The following DDX49 variants were observed in gnomAD, a reference collection of about 807,000 sequenced individuals.
DDX49 encodes the protein probable ATP-dependent RNA helicase DDX49.
In DDX49, 50 loss-of-function variants were observed where a neutral mutation model predicts 56.3. The ratio of observed to expected loss-of-function variants is 0.89; its 90% CI spans 0.71 to 1.12. The LOEUF (loss-of-function observed/expected upper bound fraction) is 1.12. DDX49 is among the 50% of genes most tolerant of loss of function. The pLI is 0.00. For synonymous variants in DDX49, 269 were observed against 270.6 expected, an observed-to-expected ratio of 0.99 and a Z score of 0.06; for missense variants, 614 against 650.5, an observed-to-expected ratio of 0.94 and a Z score of 0.61.
At position 18,924,154 on chromosome 19, in the gene DDX49, C is replaced by G. The variant is rs896438681; in HGVS notation, c.777-79C>G. The G allele has an allele frequency of 2.1e-6, 3 of 1,435,080 alleles. No individual in the cohort carries two copies. The African/African-American group carries it at 4.2e-5, about 20-fold the overall frequency. 88.9% of individuals were successfully genotyped at this position (1,435,080 alleles called of 1,614,324 possible). A position where few individuals can be genotyped will look rare whatever the true frequency, so the allele number is the denominator to read the frequency against. On this transcript the variant is annotated intron_variant, in intron 6 of 12. Coordinates refer to ENST00000247003, the MANE Select transcript of DDX49 (RefSeq NM_019070.5). ...TGCATGAGGCCACTGTGCTAGGTGT[C>G]TCAGGGGCGGGTGGGGGCAGGAACA...
At chr19:18,926,848 G>A (rs1045659448) in intron 10 of DDX49, among the ~76,000 whole-genome samples, 5 of 152,124 alleles carry the variant, frequency 3.3e-5, no homozygotes, top group Admixed American at 1.3e-4. Context: ...CGAGGTGGGC[G>A]GATCACTTGA....
chr19:18,921,826 C>CA lies in DDX49; in HGVS notation c.326-16dup, dbSNP rs1568328255. 1.2e-6 allele frequency: 2 copies of CA among 1,614,012 alleles called. No homozygotes were observed. The highest frequency in any genetic ancestry group is 1.7e-5 in the Admixed American group (1 of 60,024). On this transcript the variant is annotated splice_polypyrimidine_tract_variant and intron_variant, in intron 3 of 12. Transcript: ENST00000247003. ...GGACCACCTGCCCAGCCCTGCCTCT[C>CA]ATGCTCTGTCCCCCAGACATGGTGG...
intron 10 of DDX49, 50 bp downstream of exon 10, chr19:18,926,427 A>ATGT: frequency 3.8e-5 from 17 of 444,314 alleles, no homozygotes; most frequent in Non-Finnish European, 5.8e-5. Flanking sequence ...GGGTGGGCAG[A>ATGT]GGTGGGCACC....
chr19:18,925,791 G>T (rs1046390329), intron 9 of DDX49, among the ~76,000 whole-genome samples: 2 of 152,122 alleles, frequency 1.3e-5, no homozygotes. Context: ...GGTTGCTGGG[G>T]TCGGACTGGG....
Position 18,924,647 on chromosome 19 carries a change from A to T in DDX49, c.877A>T (p.Lys293Ter). ...KQKERFAALA[K>*]FKSSIYRILI... Reference sequence around the variant, plus strand: ...GAAAGAACGCTTTGCCGCCCTAGCCAAGTTCAAGTCCAGCATCTACCGGAT... The same window carrying T: ...GAAAGAACGCTTTGCCGCCCTAGCCTAGTTCAAGTCCAGCATCTACCGGAT... Residue 293 changes from lysine (K) to a stop codon, truncating the protein, a stop_gained, in exon 8 of 13, where the codon AAG becomes TAG. Coordinates refer to ENST00000247003, the MANE Select transcript of DDX49 (RefSeq NM_019070.5). LOFTEE classifies it high-confidence loss of function. 6.2e-7 allele frequency: 1 copy of T among 1,614,158 alleles called. No individual in the cohort carries two copies. The highest frequency in any genetic ancestry group is 1.3e-5 in the African/African-American group (1 of 75,038).
Position 18,921,977 on chromosome 19 carries a change from C to G in DDX49, c.447+13C>G. The G allele has an allele frequency of 6.2e-7, 1 of 1,600,042 alleles. No individual in the cohort carries two copies. On this transcript the variant is annotated intron_variant, in intron 4 of 12. Coordinates refer to ENST00000247003, the MANE Select transcript of DDX49 (RefSeq NM_019070.5). ...GATCCGCTTCCTGGTGAGTTCGCCCCGCCCCTGCAGACCTCAGGAGCTGGG... is the reference window on the plus strand; with the variant it reads ...GATCCGCTTCCTGGTGAGTTCGCCCGGCCCCTGCAGACCTCAGGAGCTGGG...
chr19:18,924,137 G>A (rs2872205), intron 6 of DDX49, 96 bp from the exon 7 acceptor site: 33,906 of 1,197,894 alleles, frequency 0.028, 1,159 homozygotes, highest in African/African-American at 0.14. Flanking sequence ...GCTGCATGAG[G>A]CCACTGTGCT....
rs200925304 is a variant in DDX49 at position 18,928,045 on chromosome 19, C to T, written c.1263+9C>T. On this transcript the variant is annotated intron_variant, in intron 12 of 12. Transcript: ENST00000247003. ...TGATCCTGGAGGGGAAGGTGAGGGC[C>T]GAGCCCGCAGGTAGGGGGTGGGTGG... 2.5e-5 allele frequency: 40 copies of T among 1,613,530 alleles called. No individual in the cohort carries two copies. The highest frequency in any genetic ancestry group is 1.6e-4 in the Middle Eastern group (1 of 6,062).
intron 9 of DDX49, 188 bp downstream of exon 9, chr19:18,925,167 G>A (rs1284630979): frequency 1.1e-6 from 1 of 884,092 alleles, no homozygotes; most frequent in African/African-American, 1.7e-5. Flanking sequence ...GCTGAGGCAA[G>A]AAGATCACTT....
chr19:18,928,149 C>A lies in DDX49; in HGVS notation c.1285C>A (p.Arg429Ser), dbSNP rs749488327. 4.4e-6 allele frequency: 7 copies of A among 1,602,052 alleles called. No homozygotes were observed. The African/African-American group carries it at 8.0e-5, about 18-fold the overall frequency. ...CCAGGACCCTGACCTGGAGGCCAAG[C>A]GCAAGGCTGAGCTGGCCAAGATCAA... ...EGKDPDLEAKRKAELAKIKQK... is the reference protein window; with the variant it reads ...EGKDPDLEAKSKAELAKIKQK... Residue 429 changes from arginine (R) to serine (S), a missense_variant, in exon 13 of 13, where the codon CGC becomes AGC. Transcript: ENST00000247003.
Position 18,928,419 on chromosome 19 carries a change from C to T in DDX49, c.*103C>T, listed in dbSNP as rs1568332571. On this transcript the variant is annotated 3_prime_UTR_variant, in exon 13 of 13. Coordinates refer to ENST00000247003, the MANE Select transcript of DDX49 (RefSeq NM_019070.5). Reference sequence around the variant, plus strand: ...GCCCTTCCCGGGGGCCTACCCAGTGCCCCACAGCAGAACCCGTGGGCGCTC... The same window carrying T: ...GCCCTTCCCGGGGGCCTACCCAGTGTCCCACAGCAGAACCCGTGGGCGCTC... The T allele has an allele frequency of 1.7e-6, 2 of 1,198,386 alleles. No homozygotes were observed. The highest frequency in any genetic ancestry group is 5.2e-5 in the East Asian group (2 of 38,768). The allele number at this position is 1,198,386 out of a possible 1,614,324, so 74.2% of individuals were successfully genotyped here.
chr19:18,920,407 G>A (rs2056904869), intron 1 of DDX49, among the ~76,000 whole-genome samples, 173 bp from the exon 2 acceptor site: 1 of 152,204 alleles, frequency 6.6e-6, no homozygotes, highest in Non-Finnish European at 1.5e-5. Flanking sequence ...CCAAATTCAC[G>A]TGCTCCTGGA....
At position 18,924,230 on chromosome 19, in the gene DDX49, C is replaced by T. The variant is rs752835831; in HGVS notation, c.777-3C>T. ...GGGTTGACAGGCACATCCTTCCCGC[C>T]AGGACCTGCCAGATTCTGTGCATGA... On this transcript the variant is annotated splice_region_variant and splice_polypyrimidine_tract_variant and intron_variant, in intron 6 of 12. Coordinates refer to ENST00000247003, the MANE Select transcript of DDX49 (RefSeq NM_019070.5). 3.1e-6 allele frequency: 5 copies of T among 1,613,934 alleles called. 1 individual carries two copies. The East Asian group carries it at 6.7e-5, about 22-fold the overall frequency.
chr19:18,927,731 C>A, intron 10 of DDX49, 35 bp from the exon 11 acceptor site: 4 of 1,294,778 alleles, frequency 3.1e-6, no homozygotes, highest in African/African-American at 1.5e-5. Context: ...CACGTCTCCT[C>A]CCCACCCCCA....
At chr19:18,923,544 C>T (rs1020455779) in intron 6 of DDX49, among the ~76,000 whole-genome samples, 1 of 152,106 alleles carries the variant, frequency 6.6e-6, no homozygotes, top group Admixed American at 6.6e-5. Flanking sequence ...AAAAGTTTGG[C>T]TGCAGGGTGG....
rs1015623770 is a variant in DDX49 at position 18,921,832 on chromosome 19, C to G, written c.326-11C>G. ...CCTGCCCAGCCCTGCCTCTCATGCTCTGTCCCCCAGACATGGTGGCCCAGG... is the reference window on the plus strand; with the variant it reads ...CCTGCCCAGCCCTGCCTCTCATGCTGTGTCCCCCAGACATGGTGGCCCAGG... On this transcript the variant is annotated splice_polypyrimidine_tract_variant and intron_variant, in intron 3 of 12. Transcript: ENST00000247003. The G allele has an allele frequency of 1.9e-5, 31 of 1,611,788 alleles. No homozygotes were observed. Among genetic ancestry groups the G allele is most frequent in the Middle Eastern group, 1.6e-4 (1 of 6,084 alleles).
chr19:18,925,067 C>T, intron 9 of DDX49, 88 bp downstream of exon 9: 1 of 1,472,472 alleles, frequency 6.8e-7, no homozygotes, highest in Admixed American at 2.2e-5. Context: ...GGGTAGGGTG[C>T]AGCCCACAGA....
intron 11 of DDX49, 44 bp downstream of exon 11, chr19:18,927,898 C>A (rs754569546): frequency 2.5e-6 from 4 of 1,613,706 alleles, no homozygotes; most frequent in Non-Finnish European, 2.5e-6. Flanking sequence ...TCTCCAGGGC[C>A]GGGGGTGCTC....
At chr19:18,921,813 C>T (rs1400624888) in intron 3 of DDX49, 30 bp from the exon 4 acceptor site, 1 of 1,614,066 alleles carries the variant, frequency 6.2e-7, no homozygotes, top group Admixed American at 1.7e-5. Flanking sequence ...ACCACCTGCC[C>T]AGCCCTGCCT....
Sources: gnomAD v4.1 joint callset for allele counts (sites outside exome capture counted in the v4.1 genomes callset) on GRCh38, gnomAD v4.1.1 for gene constraint, MANE v1.5 for transcripts, NCBI Gene and HGNC (gene_info 2026-07-23, HGNC 2026-07-21) for gene names.